SNX24: variants seen among roughly 807,000 people sequenced by gnomAD.
SNX24 encodes the protein sorting nexin 24.
SNX24 carries 22 observed loss-of-function variants against 28.7 expected under a neutral mutation model. The ratio of observed to expected loss-of-function variants is 0.77; its 90% CI spans 0.55 to 1.10. The LOEUF (loss-of-function observed/expected upper bound fraction) is 1.10. SNX24 is among the 50% of genes least tolerant of loss of function. The pLI is 0.00. For missense variants in SNX24, 221 were observed against 201.1 expected (o/e 1.10, Z -0.60); for synonymous variants, 69 against 71.5 (o/e 0.96, Z 0.18).
chr5:122,931,239 G>A (rs922605540), intron 1 of SNX24, among the ~76,000 whole-genome samples: 4 of 152,082 alleles, frequency 2.6e-5, no homozygotes, highest in Admixed American at 6.6e-5. Context: ...TAGAGGAAAC[G>A]TGACTTCAGG....
At chr5:122,871,180 T>G (rs1421244901) in intron 1 of SNX24, among the ~76,000 whole-genome samples, 1 of 152,174 alleles carries the variant, frequency 6.6e-6, no homozygotes, top group Non-Finnish European at 1.5e-5. Context: ...AGTTCAGTAG[T>G]TCTCAGGGAA....
intron 3 of SNX24, among the ~76,000 whole-genome samples, chr5:122,980,899 A>G (rs958217665): frequency 2.0e-5 from 3 of 152,134 alleles, no homozygotes; most frequent in African/African-American, 7.2e-5. Flanking sequence ...GTATGGGAAC[A>G]GAGAGCCATT....
chr5:122,973,764 T>C (rs1761053013), intron 3 of SNX24, among the ~76,000 whole-genome samples: 1 of 152,220 alleles, frequency 6.6e-6, no homozygotes, highest in Non-Finnish European at 1.5e-5. Context: ...AGCGTTCAGT[T>C]TCTACAAAAG....
intron 1 of SNX24, among the ~76,000 whole-genome samples, chr5:122,920,306 G>A (rs246266): frequency 0.71 from 108,641 of 152,134 alleles, 39,500 homozygotes; most frequent in East Asian, 0.99. Context: ...GAGAAGTAAG[G>A]TAGCATAAGT....
chr5:122,864,478 G>A (rs1755630685), intron 1 of SNX24, among the ~76,000 whole-genome samples: 4 of 152,230 alleles, frequency 2.6e-5, no homozygotes, highest in Admixed American at 2.6e-4. Context: ...ACAAGAGCCT[G>A]CTGTGCAGGA....
intron 2 of SNX24, among the ~76,000 whole-genome samples, chr5:122,937,139 G>A (rs990896173): frequency 1.3e-5 from 2 of 152,172 alleles, no homozygotes; most frequent in African/African-American, 2.4e-5. Flanking sequence ...TGCACTTAAT[G>A]TTCCTTACAG....
chr5:122,973,338 C>G (rs189155490), intron 3 of SNX24, among the ~76,000 whole-genome samples: 1 of 152,376 alleles, frequency 6.6e-6, no homozygotes, highest in Non-Finnish European at 1.5e-5. Context: ...GCTCAAAGTT[C>G]TGCCCACTGG....
At chr5:122,900,796 C>A (rs1265596094) in intron 1 of SNX24, among the ~76,000 whole-genome samples, 3 of 151,764 alleles carry the variant, frequency 2.0e-5, no homozygotes, top group African/African-American at 7.3e-5. Context: ...AGAAATAAAA[C>A]AACAGGGAAA....
intron 1 of SNX24, chr5:122,890,971 A>T: frequency 7.8e-7 from 1 of 1,277,974 alleles, no homozygotes; most frequent in Non-Finnish European, 1.0e-6. Context: ...AAATTTAAAT[A>T]GTATATAAGA....
intron 1 of SNX24, among the ~76,000 whole-genome samples, chr5:122,856,921 C>T (rs1336539974): frequency 6.6e-6 from 1 of 152,162 alleles, no homozygotes; most frequent in East Asian, 1.9e-4. Context: ...TCAGGGGTCT[C>T]CTCAGTATCT....
intron 5 of SNX24, among the ~76,000 whole-genome samples, chr5:123,021,932 C>A (rs1373532467): frequency 6.6e-6 from 1 of 152,146 alleles, no homozygotes; most frequent in Admixed American, 6.5e-5. Context: ...TTCCTTCAGG[C>A]CTTAGCACAA....
chr5:122,962,132 T>C (rs1760511654), intron 3 of SNX24, among the ~76,000 whole-genome samples: 2 of 152,214 alleles, frequency 1.3e-5, no homozygotes, highest in Admixed American at 1.3e-4. Context: ...TATGGATAAT[T>C]GTTCTACTTA....
intron 1 of SNX24, among the ~76,000 whole-genome samples, chr5:122,846,401 A>C (rs1307088044): frequency 6.6e-6 from 1 of 152,212 alleles, no homozygotes; most frequent in Non-Finnish European, 1.5e-5. Context: ...AATTCAAAAC[A>C]TTCTTTCCTG....
intron 3 of SNX24, among the ~76,000 whole-genome samples, chr5:122,983,822 A>G (rs926442322): frequency 4.6e-5 from 7 of 152,212 alleles, no homozygotes; most frequent in Non-Finnish European, 8.8e-5. Context: ...TTCCCAGACA[A>G]TGAGCAAATA....
intron 1 of SNX24, among the ~76,000 whole-genome samples, chr5:122,873,750 CA>C (rs1237650496): frequency 2.0e-5 from 3 of 148,518 alleles, no homozygotes; most frequent in Admixed American, 2.0e-4. Flanking sequence ...TTTCATCTTT[CA>C]AAGGGAATCT....
chr5:122,895,913 C>T (rs1192246372), intron 1 of SNX24, among the ~76,000 whole-genome samples: 3 of 152,198 alleles, frequency 2.0e-5, no homozygotes, highest in Non-Finnish European at 4.4e-5. Flanking sequence ...CTTTGGACAG[C>T]CAAGGTGGGC....
chr5:122,980,087 A>C lies in SNX24; in HGVS notation c.250-19825A>C, dbSNP rs183779003. On this transcript the variant is annotated intron_variant, in intron 3 of 6. Coordinates refer to ENST00000261369, the MANE Select transcript of SNX24 (RefSeq NM_014035.4). ...TATCAAAAGTCCTTTTGTCAAAAACAATATGAAGAAATAGTAAGTATACTT... is the reference window on the plus strand; with the variant it reads ...TATCAAAAGTCCTTTTGTCAAAAACCATATGAAGAAATAGTAAGTATACTT... Among the ~76,000 whole-genome samples the C allele has an allele frequency of 7.2e-5, 11 of 152,352 alleles. No individual in the cohort carries two copies. In the East Asian group the frequency reaches 2.1e-3, roughly 29 times the overall value.
chr5:123,002,971 A>T (rs1446560716), intron 6 of SNX24, among the ~76,000 whole-genome samples: 1 of 152,236 alleles, frequency 6.6e-6, no homozygotes, highest in Non-Finnish European at 1.5e-5. Context: ...CCACTCTCAG[A>T]TGGTTGATGG....
At chr5:122,849,598 A>T (rs915111208) in intron 1 of SNX24, among the ~76,000 whole-genome samples, 1 of 149,900 alleles carries the variant, frequency 6.7e-6, no homozygotes, top group Non-Finnish European at 1.5e-5. Context: ...CCCCCAAAAA[A>T]GGGGGGGGGA....
Sources: allele counts gnomAD v4.1 joint callset (sites outside exome capture counted in the v4.1 genomes callset), GRCh38; gene constraint gnomAD v4.1.1; transcripts MANE v1.5; gene names NCBI Gene and HGNC (gene_info 2026-07-23, HGNC 2026-07-21).